The following MYO5A variants were observed in gnomAD, a reference collection of about 807,000 sequenced individuals.
MYO5A encodes myosin VA, also known as unconventional myosin-Va.
In MYO5A, 98 loss-of-function variants were observed where a neutral mutation model predicts 249.7. The observed-to-expected ratio is 0.39, with a 90% CI of 0.33 to 0.46. The LOEUF (loss-of-function observed/expected upper bound fraction) is 0.46. MYO5A is among the 20% of genes least tolerant of loss of function. The probability of loss-of-function intolerance (pLI) is 0.98; values close to 1 mark genes in which losing one functional copy is unlikely to be tolerated. For missense variants in MYO5A, 1,696 were observed against 2,308.8 expected (o/e 0.73, Z 5.44); for synonymous variants, 778 against 810.6 (o/e 0.96, Z 0.68).
chr15:52,339,904 T>C (rs1189050388), intron 32 of MYO5A, among the ~76,000 whole-genome samples: 2 of 152,068 alleles, frequency 1.3e-5, no homozygotes, highest in African/African-American at 2.4e-5. Context: ...GCAGCTGAAA[T>C]GGAGGAAGCA....
rs773788411 is a variant in MYO5A at position 52,410,386 on chromosome 15, T to G, written c.703A>C (p.Ile235Leu). 1.9e-6 allele frequency: 3 copies of G among 1,613,684 alleles called. No individual in the cohort carries two copies. In the African/African-American group the frequency reaches 4.0e-5, roughly 22 times the overall value. ...AGATAAGTTCTCATATTGGCACCAA[T>G]GATTCGATATCTCTTATCAAAACCA... ...EIGFDKRYRI[I>L]GANMRTYLLE... is the part of the protein sequence containing the mutation. The change falls in exon 6 of 42, where the codon ATT becomes CTT. Residue 235 changes from isoleucine (I) to leucine (L), a missense_variant. Transcript: ENST00000399233.
At chr15:52,358,945 C>T (rs12906271) in intron 25 of MYO5A, among the ~76,000 whole-genome samples, 149,174 of 152,274 alleles carry the variant, frequency 0.98, 73,145 homozygotes, top group Middle Eastern at 1. Flanking sequence ...AGTTGCAGTA[C>T]AGAATCCCTG....
intron 1 of MYO5A, among the ~76,000 whole-genome samples, chr15:52,479,882 G>C (rs1354169193): frequency 6.6e-6 from 1 of 152,180 alleles, no homozygotes; most frequent in Admixed American, 6.5e-5. Context: ...AGTGAGTCTG[G>C]CCTTGCTCTG....
intron 2 of MYO5A, among the ~76,000 whole-genome samples, chr15:52,432,444 C>G (rs1272709307): frequency 6.6e-6 from 1 of 152,212 alleles, no homozygotes; most frequent in Non-Finnish European, 1.5e-5. Flanking sequence ...TGCAAAAATC[C>G]AATATAGTCA....
intron 1 of MYO5A, among the ~76,000 whole-genome samples, chr15:52,475,628 C>T (rs1274172058): frequency 1.3e-5 from 2 of 152,202 alleles, no homozygotes; most frequent in East Asian, 1.9e-4. Context: ...TTTATTTCTG[C>T]ATTCATTTTG....
chr15:52,468,892 C>T (rs1471127265), intron 1 of MYO5A, among the ~76,000 whole-genome samples: 2 of 151,992 alleles, frequency 1.3e-5, no homozygotes, highest in Non-Finnish European at 2.9e-5. Flanking sequence ...GGTGAGGGAA[C>T]CTTTAATTTT....
In MYO5A at chr15:52,321,212, G is replaced by A. The variant is rs1053110039; in HGVS notation, c.4951+147C>T. On this transcript the variant is annotated intron_variant, in intron 38 of 41. Transcript: ENST00000399233. ...CAGTTAACTATGGCTGGGTTTCTGG[G>A]ATTCCTCGGCTAATTTTAGCCCTGT... 7.1e-5 allele frequency: 71 copies of A among 997,902 alleles called. 1 individual carries two copies. The highest frequency in any genetic ancestry group is 3.0e-4 in the Middle Eastern group (1 of 3,368). 61.8% of individuals were successfully genotyped at this position (997,902 alleles called of 1,614,324 possible). A position where few individuals can be genotyped will look rare whatever the true frequency, so the allele number is the denominator to read the frequency against.
chr15:52,342,125 G>A (rs1178132853), intron 31 of MYO5A, among the ~76,000 whole-genome samples: 1 of 152,192 alleles, frequency 6.6e-6, no homozygotes, highest in Non-Finnish European at 1.5e-5. Flanking sequence ...TTGGGAGGCC[G>A]AGGCAGGATT....
In MYO5A at chr15:52,444,347, G is replaced by C. The variant is rs567193002; in HGVS notation, c.28-11062C>G. Among the ~76,000 whole-genome samples, 3 of 152,266 alleles carry C rather than the reference G, an allele frequency of 2.0e-5. No individual in the cohort carries two copies. The South Asian group carries it at 6.2e-4, about 32-fold the overall frequency. ...AATTAAAATAATCAAAGGTAAAACA[G>C]AATCACCAACAGGGAAGCGAACTAT... On this transcript the variant is annotated intron_variant, in intron 1 of 41. Transcript: ENST00000399233.
intron 21 of MYO5A, 52 bp downstream of exon 21, chr15:52,372,072 G>C: frequency 6.2e-7 from 1 of 1,610,244 alleles, no homozygotes; most frequent in East Asian, 2.2e-5. Context: ...AAATAATCCT[G>C]GTGGATTTCT....
At chr15:52,513,964 G>A (rs1288027413) in intron 1 of MYO5A, among the ~76,000 whole-genome samples, 2 of 152,200 alleles carry the variant, frequency 1.3e-5, no homozygotes, top group African/African-American at 4.8e-5. Flanking sequence ...ATAATGACAT[G>A]TTAAAACTGG....
In MYO5A at chr15:52,359,826, C is replaced by G. The variant is rs2040428896; in HGVS notation, c.3423+142G>C. 5.6e-5 allele frequency: 38 copies of G among 681,660 alleles called. No homozygotes were observed. The South Asian group carries it at 5.9e-4, about 11-fold the overall frequency. The allele number at this position is 681,660 out of a possible 1,614,324, so 42.2% of individuals were successfully genotyped here. On this transcript the variant is annotated intron_variant, in intron 25 of 41. Coordinates refer to ENST00000399233, the MANE Select transcript of MYO5A (RefSeq NM_001382347.1). ...TACAAAAATGTAAATAAGTTTGTATCTACAAGTCACTTATGAAGAATAAAT... is the reference window on the plus strand; with the variant it reads ...TACAAAAATGTAAATAAGTTTGTATGTACAAGTCACTTATGAAGAATAAAT...
At chr15:52,461,723 G>A (rs991404357) in intron 1 of MYO5A, among the ~76,000 whole-genome samples, 1 of 152,190 alleles carries the variant, frequency 6.6e-6, no homozygotes, top group African/African-American at 2.4e-5. Context: ...AGCACTTTGG[G>A]AGGCTGAGGT....
chr15:52,376,727 C>T (rs1459529140), intron 18 of MYO5A, among the ~76,000 whole-genome samples, 169 bp from the exon 19 acceptor site: 2 of 152,112 alleles, frequency 1.3e-5, no homozygotes, highest in Non-Finnish European at 2.9e-5. Flanking sequence ...GCAAGTTGAG[C>T]AAATAGAAGG....
chr15:52,320,666 AAC>A (rs1220287652), intron 38 of MYO5A, among the ~76,000 whole-genome samples: 1 of 152,190 alleles, frequency 6.6e-6, no homozygotes, highest in Non-Finnish European at 1.5e-5. Flanking sequence ...AAGTTGTGGA[AAC>A]ATGGAAAATG....
chr15:52,489,368 T>C (rs1320658628), intron 1 of MYO5A, among the ~76,000 whole-genome samples: 1 of 151,980 alleles, frequency 6.6e-6, no homozygotes, highest in Non-Finnish European at 1.5e-5. Context: ...ATCAAGACCA[T>C]CCTGATTAAC....
intron 35 of MYO5A, among the ~76,000 whole-genome samples, chr15:52,329,287 T>C (rs757763963): frequency 6.6e-6 from 1 of 152,212 alleles, no homozygotes; most frequent in Non-Finnish European, 1.5e-5. Flanking sequence ...TGCAACTATA[T>C]ATAGTACTAA....
In MYO5A at chr15:52,350,969, T is replaced by C. The variant is rs10851513; in HGVS notation, c.3849+285A>G. 0.052 allele frequency among the ~76,000 whole-genome samples: 7,991 copies of C among 152,318 alleles called. 271 individuals carry two copies. Among genetic ancestry groups the C allele is most frequent in the East Asian group, 0.12 (637 of 5,190 alleles). On this transcript the variant is annotated intron_variant, in intron 28 of 41. Coordinates refer to ENST00000399233, the MANE Select transcript of MYO5A (RefSeq NM_001382347.1). Reference sequence around the variant, plus strand: ...TTTTGTATTTAATAAAATTTTATTTTAGATTAAAATTTATTGTGGCCAGAT... The same window carrying C: ...TTTTGTATTTAATAAAATTTTATTTCAGATTAAAATTTATTGTGGCCAGAT...
At position 52,495,947 on chromosome 15, in the gene MYO5A, G is replaced by T. The variant is rs192453237; in HGVS notation, c.27+32833C>A. ...GGGCCTGGCGTGGGGTGGGAGGCAG[G>T]GGGAGGGATAGCATTAGGAGAAAAA... On this transcript the variant is annotated intron_variant, in intron 1 of 41. Coordinates refer to ENST00000399233, the MANE Select transcript of MYO5A (RefSeq NM_001382347.1). Among the ~76,000 whole-genome samples, 197 of 152,152 alleles carry T rather than the reference G, an allele frequency of 1.3e-3. 1 individual carries two copies. The highest frequency in any genetic ancestry group is 4.4e-3 in the African/African-American group (184 of 41,504).
Sources: gnomAD v4.1 joint callset for allele counts (sites outside exome capture counted in the v4.1 genomes callset) on GRCh38, gnomAD v4.1.1 for gene constraint, MANE v1.5 for transcripts, NCBI Gene and HGNC (gene_info 2026-07-23, HGNC 2026-07-21) for gene names.